The following DLGAP4 variants were observed in gnomAD, a reference collection of about 807,000 sequenced individuals.
DLGAP4 encodes DLG associated protein 4.
In DLGAP4, 18 loss-of-function variants were observed where a neutral mutation model predicts 86.9. That is an observed-to-expected ratio of 0.21 (90% CI 0.14 to 0.31). The LOEUF is 0.31. DLGAP4 is among the 10% of genes least tolerant of loss of function. DLGAP4 has a pLI of 1.00. For synonymous variants in DLGAP4, 548 were observed against 574.3 expected (o/e 0.95, Z 0.65); for missense variants, 1,085 against 1,362.6 (o/e 0.80, Z 3.21).
At chr20:36,365,413 A>G (rs1692579827) in intron 1 of DLGAP4, among the ~76,000 whole-genome samples, 1 of 152,188 alleles carries the variant, frequency 6.6e-6, no homozygotes, top group South Asian at 2.1e-4. Context: ...ATTTGTGTCT[A>G]CTGACTCAGA....
At chr20:36,382,512 T>C (rs983754059) in intron 2 of DLGAP4, among the ~76,000 whole-genome samples, 1 of 150,342 alleles carries the variant, frequency 6.7e-6, no homozygotes, top group African/African-American at 2.5e-5. Context: ...CTTTTCTTTC[T>C]TTCTTTCTTT....
At chr20:36,310,255 G>T (rs2065042719) in intron 1 of DLGAP4, among the ~76,000 whole-genome samples, 1 of 150,908 alleles carries the variant, frequency 6.6e-6, no homozygotes, top group East Asian at 1.9e-4. Flanking sequence ...GAAAAGAATT[G>T]CATGGATAAA....
At chr20:36,505,098 C>T (rs1416106603) in intron 10 of DLGAP4, among the ~76,000 whole-genome samples, 1 of 152,054 alleles carries the variant, frequency 6.6e-6, no homozygotes, top group Non-Finnish European at 1.5e-5. Flanking sequence ...GGCAATTCTC[C>T]TGCCTCAGCC....
chr20:36,493,388 G>C (rs2035750290), intron 7 of DLGAP4, among the ~76,000 whole-genome samples: 1 of 152,240 alleles, frequency 6.6e-6, no homozygotes, highest in Non-Finnish European at 1.5e-5. Flanking sequence ...GGGAGAAGAT[G>C]AATGGGGCAG....
intron 7 of DLGAP4, among the ~76,000 whole-genome samples, chr20:36,478,326 T>C (rs1421414746): frequency 6.6e-6 from 1 of 152,070 alleles, no homozygotes; most frequent in African/African-American, 2.4e-5. Flanking sequence ...GTGCCCTCCC[T>C]AATCTAGTGC....
At chr20:36,460,645 G>A (rs1464911446) in intron 7 of DLGAP4, among the ~76,000 whole-genome samples, 1 of 152,236 alleles carries the variant, frequency 6.6e-6, no homozygotes, top group Non-Finnish European at 1.5e-5. Context: ...GGTGCGGCCT[G>A]GAGAGATGAG....
intron 8 of DLGAP4, chr20:36,497,538 C>T (rs2035941712): frequency 3.0e-6 from 3 of 991,674 alleles, no homozygotes; most frequent in Middle Eastern, 5.2e-4. Context: ...GGACCCAGGG[C>T]CCTTGAGCCA....
At chr20:36,380,263 A>G (rs1186583578) in intron 2 of DLGAP4, among the ~76,000 whole-genome samples, 1 of 148,782 alleles carries the variant, frequency 6.7e-6, no homozygotes, top group Non-Finnish European at 1.5e-5. Context: ...AAAAAAAAAT[A>G]ACCAGGTGTG....
intron 2 of DLGAP4, among the ~76,000 whole-genome samples, chr20:36,413,251 T>C (rs2032554522): frequency 6.6e-6 from 1 of 151,914 alleles, no homozygotes; most frequent in African/African-American, 2.4e-5. Flanking sequence ...GTGTTGGGAT[T>C]ACAGGCATGA....
At position 36,374,660 on chromosome 20, in the gene DLGAP4, A is replaced by G. The variant is rs540540666; in HGVS notation, c.-73+7385A>G. Among the ~76,000 whole-genome samples, 15 of 152,352 alleles carry G rather than the reference A, an allele frequency of 9.8e-5. No homozygotes were observed. The East Asian group carries it at 1.4e-3, about 14-fold the overall frequency. On this transcript the variant is annotated intron_variant, in intron 2 of 12. Transcript: ENST00000339266. ...CATGGGGAACGAGAAAAAGGACCCA[A>G]TGCCCCTCAAGGGAGCCTTAGATAT...
intron 2 of DLGAP4, among the ~76,000 whole-genome samples, chr20:36,408,322 G>A (rs62210508): frequency 4.7e-4 from 71 of 151,930 alleles, no homozygotes; most frequent in Middle Eastern, 6.8e-3. Context: ...GCTCAGCTCC[G>A]CTAAAGACCC....
chr20:36,367,666 T>C (rs1379306386), intron 2 of DLGAP4, among the ~76,000 whole-genome samples: 2 of 152,128 alleles, frequency 1.3e-5, no homozygotes, highest in African/African-American at 4.8e-5. Context: ...ATAGAACCTC[T>C]GGGGCCCCCA....
intron 7 of DLGAP4, among the ~76,000 whole-genome samples, chr20:36,458,599 T>C (rs1361227827): frequency 6.6e-6 from 1 of 151,840 alleles, no homozygotes; most frequent in Non-Finnish European, 1.5e-5. Flanking sequence ...CTCGGGAGGC[T>C]GAGGCATGAG....
intron 2 of DLGAP4, among the ~76,000 whole-genome samples, chr20:36,419,063 C>A (rs1306226606): frequency 6.6e-6 from 1 of 152,082 alleles, no homozygotes; most frequent in Non-Finnish European, 1.5e-5. Context: ...TGACTTCAGC[C>A]ATTGAGCTGC....
At chr20:36,424,615 C>G (rs1162526582) in intron 2 of DLGAP4, among the ~76,000 whole-genome samples, 2 of 152,290 alleles carry the variant, frequency 1.3e-5, no homozygotes, top group Middle Eastern at 3.4e-3. Context: ...GTGGCCATCA[C>G]AGCATCCACT....
chr20:36,443,381 C>G (rs566317798), intron 6 of DLGAP4, among the ~76,000 whole-genome samples: 1 of 152,256 alleles, frequency 6.6e-6, no homozygotes, highest in South Asian at 2.1e-4. Context: ...AGACCAAAAA[C>G]CAGGGGCAGG....
rs915630176 is a variant in DLGAP4 at position 36,470,504 on chromosome 20, T to G, written c.1648+23567T>G. ...GATACGTTTTGCTGGAGGTTTTTTT[T>G]GTGTGTAAAAGTTATATTTTTACTG... On this transcript the variant is annotated intron_variant, in intron 7 of 12. Transcript: ENST00000339266. Among the ~76,000 whole-genome samples the G allele has an allele frequency of 6.7e-4, 102 of 152,002 alleles. 1 individual carries two copies. Among genetic ancestry groups the G allele is most frequent in the South Asian group, 2.1e-4 (1 of 4,824 alleles).
Position 36,499,452 on chromosome 20 carries a change from C to G in DLGAP4, c.2011-136C>G, listed in dbSNP as rs1600660365. ...CCGGCCTCGGGCCCACGTGCAGTGTCCGCATGCCTCGTGTCTGTCTGTCCA... is the reference window on the plus strand; with the variant it reads ...CCGGCCTCGGGCCCACGTGCAGTGTGCGCATGCCTCGTGTCTGTCTGTCCA... On this transcript the variant is annotated intron_variant, in intron 8 of 12. Coordinates refer to ENST00000339266, the MANE Select transcript of DLGAP4 (RefSeq NM_001365621.2). 1.3e-5 allele frequency: 17 copies of G among 1,342,990 alleles called. No homozygotes were observed. In the South Asian group the frequency reaches 2.2e-4, roughly 17 times the overall value. The allele number at this position is 1,342,990 out of a possible 1,614,324, so 83.2% of individuals were successfully genotyped here.
chr20:36,428,345 G>A (rs964917135), intron 2 of DLGAP4, among the ~76,000 whole-genome samples: 3 of 152,198 alleles, frequency 2.0e-5, no homozygotes, highest in Non-Finnish European at 4.4e-5. Context: ...ATATTGGACA[G>A]CTCAGATCTA....
Sources: allele counts gnomAD v4.1 joint callset (sites outside exome capture counted in the v4.1 genomes callset), GRCh38; gene constraint gnomAD v4.1.1; transcripts MANE v1.5; gene names NCBI Gene and HGNC (gene_info 2026-07-23, HGNC 2026-07-21).